The following PSD3 variants were observed in gnomAD, a reference collection of about 807,000 sequenced individuals.
PSD3 encodes the protein pleckstrin and Sec7 domain containing 3.
A neutral mutation model predicts 105.5 loss-of-function variants in PSD3; 49 were observed. The ratio of observed to expected loss-of-function variants is 0.46; its 90% CI spans 0.37 to 0.59. PSD3 has a LOEUF of 0.59. PSD3 is among the 20% of genes least tolerant of loss of function. The pLI, the probability that PSD3 is intolerant of heterozygous loss-of-function variation, is 0.00. For synonymous variants in PSD3, 557 were observed against 457.8 expected, an observed-to-expected ratio of 1.22 and a Z score of -2.77; for missense variants, 1,561 against 1,263.8, an observed-to-expected ratio of 1.24 and a Z score of -3.57.
chr8:18,774,952 C>T (rs1036350787), intron 8 of PSD3: 1 of 456,142 alleles, frequency 2.2e-6, no homozygotes, highest in Non-Finnish European at 4.4e-6. Flanking sequence ...CCAAATGCCC[C>T]GAGGGAAAGA....
At chr8:18,750,916 A>G (rs1805429309) in intron 9 of PSD3, among the ~76,000 whole-genome samples, 1 of 152,090 alleles carries the variant, frequency 6.6e-6, no homozygotes, top group African/African-American at 2.4e-5. Context: ...TGTATTTACA[A>G]TCCCTGAGTT....
intron 8 of PSD3, among the ~76,000 whole-genome samples, chr8:18,769,541 A>C (rs1242812876): frequency 6.6e-6 from 1 of 152,200 alleles, no homozygotes; most frequent in Non-Finnish European, 1.5e-5. Flanking sequence ...AGTGATTTTT[A>C]ATAAAGGTGT....
chr8:19,013,539 C>T (rs757653743), intron 1 of PSD3, 24 bp downstream of exon 1: 3 of 1,574,316 alleles, frequency 1.9e-6, no homozygotes, highest in South Asian at 1.1e-5. Context: ...CACCCCGCGC[C>T]CGCGCCCCGG....
chr8:18,594,821 T>C (rs1054869902), intron 12 of PSD3, among the ~76,000 whole-genome samples: 1 of 152,136 alleles, frequency 6.6e-6, no homozygotes, highest in Non-Finnish European at 1.5e-5. Flanking sequence ...CATCACTTCA[T>C]TGGCATAGAT....
At chr8:18,691,777 G>C (rs932850899) in intron 9 of PSD3, among the ~76,000 whole-genome samples, 2 of 152,072 alleles carry the variant, frequency 1.3e-5, no homozygotes, top group African/African-American at 4.8e-5. Flanking sequence ...GAATCTAGGA[G>C]GCAATAAAAT....
At chr8:18,850,981 G>C (rs1010330233) in intron 4 of PSD3, among the ~76,000 whole-genome samples, 7 of 152,108 alleles carry the variant, frequency 4.6e-5, no homozygotes, top group African/African-American at 1.7e-4. Context: ...GGGGACAAAA[G>C]ATCTCCACAA....
rs1423224683 is a variant in PSD3 at position 18,539,551 on chromosome 8, T to A, written c.2929-3593A>T. Among the ~76,000 whole-genome samples the A allele has an allele frequency of 2.7e-5, 4 of 150,006 alleles. 1 individual carries two copies. Among genetic ancestry groups the A allele is most frequent in the South Asian group, 4.2e-4 (2 of 4,716 alleles). ...AAGAAGTATATTAGTAAATTACTTT[T>A]TTTTTTTTTTTTTTTGAGACGGAGT... On this transcript the variant is annotated intron_variant, in intron 15 of 15. Transcript: ENST00000327040.
At chr8:19,022,295 C>A (rs145860335) in intron 1 of PSD3, among the ~76,000 whole-genome samples, 38 of 152,280 alleles carry the variant, frequency 2.5e-4, no homozygotes, top group Non-Finnish European at 4.7e-4. Context: ...AACATCCAAA[C>A]CATATTAAGT....
intron 9 of PSD3, among the ~76,000 whole-genome samples, chr8:18,706,151 C>T (rs541590981): frequency 7.9e-5 from 12 of 152,254 alleles, no homozygotes; most frequent in Admixed American, 2.6e-4. Context: ...GATCTCCCAA[C>T]GAGAAGACGC....
intron 11 of PSD3, among the ~76,000 whole-genome samples, chr8:18,601,378 T>C (rs990595923): frequency 2.0e-5 from 3 of 152,364 alleles, no homozygotes; most frequent in African/African-American, 4.8e-5. Flanking sequence ...CATTTACTCA[T>C]GCTCTTGTAT....
At chr8:18,955,545 C>T (rs1276952315) in intron 1 of PSD3, among the ~76,000 whole-genome samples, 1 of 152,092 alleles carries the variant, frequency 6.6e-6, no homozygotes, top group Non-Finnish European at 1.5e-5. Context: ...TTGCAACAAT[C>T]AACCTTCTAC....
At chr8:18,985,387 A>AT (rs1825451748) in intron 1 of PSD3, among the ~76,000 whole-genome samples, 1 of 152,198 alleles carries the variant, frequency 6.6e-6, no homozygotes, top group Admixed American at 6.5e-5. Flanking sequence ...CTGGGGCCCT[A>AT]AATTCCCTAA....
chr8:19,067,878 C>T (rs549835816), intron 1 of PSD3, among the ~76,000 whole-genome samples: 2 of 152,306 alleles, frequency 1.3e-5, no homozygotes, highest in East Asian at 3.9e-4. Flanking sequence ...TCTACCCATG[C>T]ACTCTATCTT....
At chr8:18,812,782 G>A (rs1811807582) in intron 4 of PSD3, among the ~76,000 whole-genome samples, 1 of 152,164 alleles carries the variant, frequency 6.6e-6, no homozygotes, top group South Asian at 2.1e-4. Flanking sequence ...ACGTGCCAGG[G>A]TGCACTGCAG....
chr8:18,853,885 T>C (rs1035302648), intron 4 of PSD3, among the ~76,000 whole-genome samples: 69 of 152,172 alleles, frequency 4.5e-4, no homozygotes, highest in African/African-American at 1.6e-3. Context: ...GCCCAAACAT[T>C]GTAGACCCTG....
chr8:18,647,402 T>G (rs138378791), intron 10 of PSD3, among the ~76,000 whole-genome samples: 20 of 152,356 alleles, frequency 1.3e-4, no homozygotes, highest in African/African-American at 4.1e-4. Flanking sequence ...GCAAATGTTT[T>G]AAACTGTTAT....
At chr8:18,632,014 T>A (rs1325123563) in intron 11 of PSD3, among the ~76,000 whole-genome samples, 1 of 151,982 alleles carries the variant, frequency 6.6e-6, no homozygotes, top group Non-Finnish European at 1.5e-5. Context: ...ACACCATCAT[T>A]GATCAAGATA....
rs189918752 is a variant in PSD3, at chr8:19,063,707, G to A, written c.324+20499C>T. Among the ~76,000 whole-genome samples the A allele has an allele frequency of 2.0e-4, 30 of 152,298 alleles. No individual in the cohort carries two copies. In the East Asian group the frequency reaches 4.1e-3, roughly 21 times the overall value. On this transcript the variant is annotated intron_variant, in intron 1 of 1. Transcript: ENST00000521475. Reference sequence around the variant, plus strand: ...TTCTTCCCTAGAAGTGTGGTAGTGCGTCAGAACTGGAGGACACAGAATCCT... The same window carrying A: ...TTCTTCCCTAGAAGTGTGGTAGTGCATCAGAACTGGAGGACACAGAATCCT...
chr8:19,077,015 C>A (rs1051157395), intron 1 of PSD3, among the ~76,000 whole-genome samples: 1 of 152,078 alleles, frequency 6.6e-6, no homozygotes, highest in South Asian at 2.1e-4. Flanking sequence ...TGTTTATTAC[C>A]GTCTACCTTT....
Sources: allele counts gnomAD v4.1 joint callset (sites outside exome capture counted in the v4.1 genomes callset), GRCh38; gene constraint gnomAD v4.1.1; transcripts MANE v1.5; gene names NCBI Gene and HGNC (gene_info 2026-07-23, HGNC 2026-07-21).